AGBL4: variants seen among roughly 807,000 people sequenced by gnomAD.
AGBL4 encodes AGBL carboxypeptidase 4.
AGBL4 carries 58 observed loss-of-function variants against 66.4 expected under a neutral mutation model. The observed-to-expected ratio is 0.87, with a 90% confidence interval of 0.71 to 1.09. The LOEUF is 1.09. AGBL4 is among the 50% of genes least tolerant of loss of function. The pLI, the probability that AGBL4 is intolerant of heterozygous loss-of-function variation, is 0.00. For synonymous variants in AGBL4, 234 were observed against 222.9 expected (o/e 1.05, Z -0.44); for missense variants, 579 against 631.0 (o/e 0.92, Z 0.88).
At chr1:48,733,913 C>A (rs1374879367) in intron 6 of AGBL4, among the ~76,000 whole-genome samples, 1 of 152,066 alleles carries the variant, frequency 6.6e-6, no homozygotes, top group East Asian at 1.9e-4. Flanking sequence ...TCCCCAGATC[C>A]CTGAAGGAGA....
intron 2 of AGBL4, among the ~76,000 whole-genome samples, chr1:49,771,797 A>G (rs1435474173): frequency 1.3e-5 from 2 of 152,022 alleles, no homozygotes; most frequent in Non-Finnish European, 2.9e-5. Flanking sequence ...ATCTGATATA[A>G]GTATGGCTAC....
intron 3 of AGBL4, among the ~76,000 whole-genome samples, chr1:49,282,000 G>A (rs1644282224): frequency 6.6e-6 from 1 of 152,178 alleles, no homozygotes; most frequent in Non-Finnish European, 1.5e-5. Flanking sequence ...CCTACTACTT[G>A]TGATGGGCAT....
At chr1:49,805,693 TGA>T (rs2147958445) in intron 2 of AGBL4, among the ~76,000 whole-genome samples, 1 of 152,338 alleles carries the variant, frequency 6.6e-6, no homozygotes, top group African/African-American at 2.4e-5. Flanking sequence ...ATTTGTAGAC[TGA>T]GTCTTTGGCA....
At chr1:49,236,564 T>C (rs1650760836) in intron 4 of AGBL4, among the ~76,000 whole-genome samples, 1 of 152,100 alleles carries the variant, frequency 6.6e-6, no homozygotes, top group Non-Finnish European at 1.5e-5. Flanking sequence ...AATTCAAAAT[T>C]CTCAGGAATT....
chr1:49,291,659 C>T (rs907229591), intron 3 of AGBL4, among the ~76,000 whole-genome samples: 2 of 152,114 alleles, frequency 1.3e-5, no homozygotes, highest in Admixed American at 1.3e-4. Flanking sequence ...AAGAAGAAAC[C>T]AGGGAGTCTT....
At position 48,760,012 on chromosome 1, in the gene AGBL4, CAG is replaced by C. The variant is rs575213891; in HGVS notation, c.635-96773_635-96772del. Reference sequence around the variant, plus strand: ...TGTTACAGGTGAGAAAACTGAGGGTCAGAGAGTTCAGGGAAGGACTACACTTA... The same window carrying C: ...TGTTACAGGTGAGAAAACTGAGGGTCAGAGTTCAGGGAAGGACTACACTTA... On this transcript the variant is annotated intron_variant, in intron 6 of 13. Coordinates refer to ENST00000371839, the MANE Select transcript of AGBL4 (RefSeq NM_032785.4). 3.3e-5 allele frequency among the ~76,000 whole-genome samples: 5 copies of C among 152,234 alleles called. No individual in the cohort carries two copies. The South Asian group carries it at 1.0e-3, about 32-fold the overall frequency.
chr1:49,454,357 A>AT (rs1255047237), intron 3 of AGBL4, among the ~76,000 whole-genome samples: 1 of 151,808 alleles, frequency 6.6e-6, no homozygotes, highest in Non-Finnish European at 1.5e-5. Context: ...AAGTACCTTC[A>AT]TACCAAGAGC....
Position 49,948,114 on chromosome 1 carries a change from G to A in AGBL4, c.34+75649C>T, listed in dbSNP as rs1219162558. 6.4e-3 allele frequency among the ~76,000 whole-genome samples: 493 copies of A among 76,560 alleles called. 7 individuals are homozygous for A. The highest frequency in any genetic ancestry group is 0.044 in the Middle Eastern group (3 of 68). 50.2% of individuals were successfully genotyped at this position (76,560 alleles called of 152,430 possible). On this transcript the variant is annotated intron_variant, in intron 1 of 13. Coordinates refer to ENST00000371839, the MANE Select transcript of AGBL4 (RefSeq NM_032785.4). ...TATGTATATGTATATATATGTAAAT[G>A]TATGTAAATATATATAAATATATGT...
At chr1:49,031,637 A>G (rs1422077904) in intron 5 of AGBL4, among the ~76,000 whole-genome samples, 1 of 152,136 alleles carries the variant, frequency 6.6e-6, no homozygotes, top group African/African-American at 2.4e-5. Flanking sequence ...ATAGATGGCC[A>G]ATAAGCACAC....
chr1:48,824,212 G>C lies in AGBL4; in HGVS notation c.634+42979C>G, dbSNP rs188088477. 9.9e-5 allele frequency among the ~76,000 whole-genome samples: 15 copies of C among 152,248 alleles called. No homozygotes were observed. The East Asian group carries it at 1.7e-3, about 18-fold the overall frequency. ...TCTGCTTTTAAGTGGCTCACAATGG[G>C]GGAGTCATATATAAGATGACAGTCA... On this transcript the variant is annotated intron_variant, in intron 6 of 13. Transcript: ENST00000371839.
intron 11 of AGBL4, among the ~76,000 whole-genome samples, chr1:48,544,491 T>C (rs948094823): frequency 3.3e-5 from 5 of 152,296 alleles, no homozygotes; most frequent in Non-Finnish European, 7.3e-5. Context: ...TCACATGTTA[T>C]TGTAGTACAT....
chr1:49,352,366 C>CTTTTTTTTTT (rs35699154), intron 3 of AGBL4, among the ~76,000 whole-genome samples: 5 of 83,106 alleles, frequency 6.0e-5, no homozygotes, highest in Admixed American at 1.6e-4. Context: ...TGAATTGAAG[C>CTTTTTTTTTT]TTTTTTTTTT....
intron 3 of AGBL4, among the ~76,000 whole-genome samples, chr1:49,384,215 C>A (rs1184525727): frequency 6.6e-6 from 1 of 152,066 alleles, no homozygotes; most frequent in Admixed American, 6.6e-5. Flanking sequence ...AATTAATATA[C>A]AGAGCATATT....
chr1:49,150,035 C>T (rs1320144631), intron 4 of AGBL4, among the ~76,000 whole-genome samples: 2 of 152,110 alleles, frequency 1.3e-5, no homozygotes, highest in Non-Finnish European at 2.9e-5. Flanking sequence ...TAAATATAGA[C>T]ACATGAGGTC....
At chr1:49,672,921 C>CAAAAAAAAAA (rs60612868) in intron 3 of AGBL4, among the ~76,000 whole-genome samples, 90 of 46,572 alleles carry the variant, frequency 1.9e-3, no homozygotes, top group Middle Eastern at 0.011. Context: ...AACTCCATCT[C>CAAAAAAAAAA]AAAAAAAAAA....
chr1:49,069,589 A>G (rs946370178), intron 4 of AGBL4, among the ~76,000 whole-genome samples: 1 of 151,722 alleles, frequency 6.6e-6, no homozygotes, highest in Admixed American at 6.6e-5. Context: ...CCATTGGTCT[A>G]TGTATCTGTT....
chr1:49,599,807 A>T (rs1255629564), intron 3 of AGBL4, among the ~76,000 whole-genome samples: 1 of 152,172 alleles, frequency 6.6e-6, no homozygotes, highest in African/African-American at 2.4e-5. Context: ...ATTCTGGTAC[A>T]CTGTCTCTTT....
At chr1:49,821,979 C>T (rs887924245) in intron 2 of AGBL4, among the ~76,000 whole-genome samples, 3 of 151,910 alleles carry the variant, frequency 2.0e-5, no homozygotes, top group African/African-American at 4.8e-5. Flanking sequence ...TTTGAGTTTT[C>T]CTAGAAAAAT....
At chr1:49,540,524 G>A (rs1045048260) in intron 3 of AGBL4, among the ~76,000 whole-genome samples, 5 of 152,052 alleles carry the variant, frequency 3.3e-5, no homozygotes, top group Admixed American at 3.3e-4. Flanking sequence ...CTAAATCCCA[G>A]AACCTAGCCT....
Sources: allele counts gnomAD v4.1 joint callset (sites outside exome capture counted in the v4.1 genomes callset), GRCh38; gene constraint gnomAD v4.1.1; transcripts MANE v1.5; gene names NCBI Gene and HGNC (gene_info 2026-07-23, HGNC 2026-07-21).